Variants in GAD2 observed in about 807,000 individuals in gnomAD.
The protein encoded by GAD2 is glutamate decarboxylase 2, also known as 65 kDa glutamic acid decarboxylase.
GAD2 carries 22 observed loss-of-function variants against 80.1 expected under a neutral mutation model. The observed-to-expected ratio is 0.27, with a 90% confidence interval of 0.20 to 0.39. The LOEUF is 0.39. GAD2 is among the 10% of genes least tolerant of loss of function. The pLI, the probability that GAD2 is intolerant of heterozygous loss-of-function variation, is 1.00. For missense variants in GAD2, 624 were observed against 738.4 expected (o/e 0.85, Z 1.80); for synonymous variants, 274 against 256.9 (o/e 1.07, Z -0.64).
intron 8 of GAD2, among the ~76,000 whole-genome samples, chr10:26,252,006 G>A (rs1844885812): frequency 6.6e-6 from 1 of 152,194 alleles, no homozygotes; most frequent in South Asian, 2.1e-4. Context: ...TTATTAGCAC[G>A]TCCTTGTAAA....
At chr10:26,283,453 G>A (rs1157334848) in intron 12 of GAD2, among the ~76,000 whole-genome samples, 2 of 152,202 alleles carry the variant, frequency 1.3e-5, no homozygotes, top group African/African-American at 2.4e-5. Context: ...TGTTTCTACA[G>A]CTAAATTGTT....
At chr10:26,258,027 C>T (rs777098936) in intron 8 of GAD2, among the ~76,000 whole-genome samples, 22 of 151,792 alleles carry the variant, frequency 1.4e-4, no homozygotes, top group Non-Finnish European at 2.7e-4. Context: ...CTCAGGGATG[C>T]TAGTCCTGTG....
chr10:26,218,149 G>A, intron 3 of GAD2, 158 bp downstream of exon 3: 1 of 770,548 alleles, frequency 1.3e-6, no homozygotes, highest in Non-Finnish European at 2.0e-6. Context: ...GAGAAATGCG[G>A]GACCTGCCCG....
chr10:26,219,135 G>T lies in GAD2; in HGVS notation c.379G>T (p.Asp127Tyr). Reference protein sequence around the residue: ...ILLQYVVKSFDRSTKVIDFHY... With the variant: ...ILLQYVVKSFYRSTKVIDFHY... ...ACTTCAGTATGTGGTGAAAAGTTTC[G>T]ATAGATCAACCAAAGTGATTGATTT... is the stretch of plus-strand genomic sequence containing the variant. Residue 127 changes from aspartate (D) to tyrosine (Y), a missense_variant, in exon 4 of 16, where the codon GAT becomes TAT. Asp to Tyr is a radical substitution (Grantham distance 160, BLOSUM62 -3). Coordinates refer to ENST00000376261, the MANE Select transcript of GAD2 (RefSeq NM_001134366.2). The T allele has an allele frequency of 6.2e-7, 1 of 1,613,798 alleles. No individual in the cohort carries two copies. Among genetic ancestry groups the T allele is most frequent in the Non-Finnish European group, 8.5e-7 (1 of 1,179,902 alleles).
In GAD2 at chr10:26,232,468, A is replaced by AT. The variant is rs1564658024; in HGVS notation, c.840+2691_840+2692insT. ...TTTCCTGATACTGTAAACTCAGTCT[A>AT]CTTTTTTTTTTTTTTTTTTTTTTTG... is the stretch of plus-strand genomic sequence containing the variant. On this transcript the variant is annotated intron_variant, in intron 7 of 15. Coordinates refer to ENST00000376261, the MANE Select transcript of GAD2 (RefSeq NM_001134366.2). Among the ~76,000 whole-genome samples the AT allele has an allele frequency of 2.8e-3, 367 of 131,648 alleles. 7 individuals carry two copies. Among genetic ancestry groups the AT allele is most frequent in the African/African-American group, 0.011 (351 of 33,104 alleles). The allele number at this position is 131,648 out of a possible 152,430, so 86.4% of individuals were successfully genotyped here. A position where few individuals can be genotyped will look rare whatever the true frequency, so the allele number is the denominator to read the frequency against.
At chr10:26,300,297 A>G (rs1834314743) in intron 15 of GAD2, among the ~76,000 whole-genome samples, 1 of 152,216 alleles carries the variant, frequency 6.6e-6, no homozygotes. Context: ...AGGCACTGCA[A>G]AGAGAGAACG....
Position 26,303,466 on chromosome 10 carries a change from G to GGGA in GAD2, c.*2506_*2508dup, listed in dbSNP as rs1564315347. 31 of 129,248 alleles carry GGGA rather than the reference G, an allele frequency of 2.4e-4. 1 individual carries two copies. Among genetic ancestry groups the GGGA allele is most frequent in the African/African-American group, 8.2e-4 (26 of 31,632 alleles). 8.0% of individuals were successfully genotyped at this position (129,248 alleles called of 1,614,324 possible). On this transcript the variant is annotated 3_prime_UTR_variant, in exon 16 of 16. Transcript: ENST00000376261. Reference sequence around the variant, plus strand: ...AGGAAGGGAGGGAGGGAGGGAGGGAGGGAAGGAGGGAGGGAGGAAGGAAAT... The same window carrying GGGA: ...AGGAAGGGAGGGAGGGAGGGAGGGAGGGAGGAAGGAGGGAGGGAGGAAGGAAAT...
At chr10:26,296,104 C>G (rs10160178) in intron 15 of GAD2, among the ~76,000 whole-genome samples, 1,726 of 152,232 alleles carry the variant, frequency 0.011, 39 homozygotes, top group African/African-American at 0.039. Context: ...GCTGGAACCC[C>G]TACTTCCTGG....
At chr10:26,280,979 C>T in intron 11 of GAD2, 30 bp from the exon 12 acceptor site, 5 of 1,572,448 alleles carry the variant, frequency 3.2e-6, no homozygotes, top group Non-Finnish European at 4.4e-6. Context: ...GGGTGGAGTG[C>T]CACCCGCTTA....
At chr10:26,269,232 C>T (rs1845105969) in intron 9 of GAD2, 59 bp downstream of exon 9, 2 of 1,389,348 alleles carry the variant, frequency 1.4e-6, no homozygotes, top group Non-Finnish European at 2.0e-6. Flanking sequence ...CACCGGAGAA[C>T]AAAATGTGTT....
chr10:26,284,906 T>G (rs995700019), intron 12 of GAD2, among the ~76,000 whole-genome samples: 54 of 152,278 alleles, frequency 3.5e-4, no homozygotes, highest in African/African-American at 1.1e-3. Context: ...TTTGAGTTGT[T>G]TTCTTTATCA....
intron 7 of GAD2, among the ~76,000 whole-genome samples, chr10:26,242,132 C>A (rs1321976191): frequency 6.7e-6 from 1 of 149,348 alleles, no homozygotes. Context: ...ACTACAGGCA[C>A]CCGCCACCAT....
chr10:26,231,650 TG>T (rs1844602766), intron 7 of GAD2, among the ~76,000 whole-genome samples: 1 of 152,200 alleles, frequency 6.6e-6, no homozygotes, highest in South Asian at 2.1e-4. Context: ...TCACAAACTT[TG>T]TGGCTTACAA....
At chr10:26,293,099 T>G in intron 15 of GAD2, 108 bp downstream of exon 15, 1 of 823,386 alleles carries the variant, frequency 1.2e-6, no homozygotes. Flanking sequence ...CCTGGGTACA[T>G]GGGCCCATTC....
chr10:26,296,475 A>C (rs1340828651), intron 15 of GAD2, among the ~76,000 whole-genome samples: 2 of 152,240 alleles, frequency 1.3e-5, no homozygotes, highest in African/African-American at 4.8e-5. Flanking sequence ...GGTAAACACG[A>C]GAATCCAGTC....
intron 8 of GAD2, among the ~76,000 whole-genome samples, chr10:26,264,377 T>C (rs1845043453): frequency 6.6e-6 from 1 of 150,378 alleles, no homozygotes; most frequent in Admixed American, 6.7e-5. Flanking sequence ...TGGCGCGATC[T>C]CTACTCACTG....
chr10:26,255,219 C>G (rs1380238399), intron 8 of GAD2, among the ~76,000 whole-genome samples: 2 of 152,116 alleles, frequency 1.3e-5, no homozygotes, highest in African/African-American at 2.4e-5. Flanking sequence ...GCCACGAGGG[C>G]CATGAGAGTG....
intron 8 of GAD2, among the ~76,000 whole-genome samples, chr10:26,267,956 T>C (rs1461033432): frequency 6.6e-6 from 1 of 152,206 alleles, no homozygotes; most frequent in Non-Finnish European, 1.5e-5. Flanking sequence ...ATGTCTAGAC[T>C]CACAGGGAGA....
chr10:26,224,528 C>T lies in GAD2; in HGVS notation c.612-11C>T, dbSNP rs201978553. 6.5e-6 allele frequency: 10 copies of T among 1,541,132 alleles called. No homozygotes were observed. In the East Asian group the frequency reaches 2.2e-4, roughly 35 times the overall value. On this transcript the variant is annotated splice_polypyrimidine_tract_variant and intron_variant, in intron 5 of 15. Transcript: ENST00000376261. ...TTACAGAGGTAAAATGTGGCCATTA[C>T]TACATTTCAGGTTCACCTATGAAAT...
Sources: allele counts gnomAD v4.1 joint callset (sites outside exome capture counted in the v4.1 genomes callset), GRCh38; gene constraint gnomAD v4.1.1; transcripts MANE v1.5; gene names NCBI Gene and HGNC (gene_info 2026-07-23, HGNC 2026-07-21).